Variants in VPS8 observed in about 807,000 individuals in gnomAD.
The protein encoded by VPS8 is VPS8 subunit of CORVET complex, also known as vacuolar protein sorting-associated protein 8 homolog.
A neutral mutation model predicts 216.4 loss-of-function variants in VPS8; 129 were observed. The observed-to-expected ratio is 0.60, with a 90% confidence interval of 0.52 to 0.69. The LOEUF (loss-of-function observed/expected upper bound fraction) is 0.69, where lower values mean the gene tolerates loss of function less well. VPS8 is among the 30% of genes least tolerant of loss of function. VPS8 has a pLI of 0.00. For synonymous variants in VPS8, 571 were observed against 565.4 expected (o/e 1.01, Z -0.14); for missense variants, 1,531 against 1,683.5 (o/e 0.91, Z 1.59).
chr3:184,907,528 C>T (rs1285263255), intron 25 of VPS8, among the ~76,000 whole-genome samples: 1 of 152,064 alleles, frequency 6.6e-6, no homozygotes, highest in Non-Finnish European at 1.5e-5. Flanking sequence ...TTTTGGGGTC[C>T]CAAGATTTAT....
intron 46 of VPS8, among the ~76,000 whole-genome samples, chr3:185,047,653 G>A (rs574796531): frequency 6.5e-4 from 99 of 152,282 alleles, no homozygotes; most frequent in African/African-American, 2.2e-3. Flanking sequence ...GCCCTCGCCT[G>A]GTACTAGGCA....
intron 22 of VPS8, among the ~76,000 whole-genome samples, chr3:184,886,546 T>TACAC (rs34621825): frequency 5.1e-4 from 76 of 150,426 alleles, no homozygotes; most frequent in African/African-American, 1.3e-3. Flanking sequence ...CACATATGTA[T>TACAC]ACACACACAC....
At chr3:184,989,439 T>C (rs1751571571) in intron 42 of VPS8, among the ~76,000 whole-genome samples, 3 of 152,056 alleles carry the variant, frequency 2.0e-5, no homozygotes, top group South Asian at 2.1e-4. Context: ...CTTTTTTTTT[T>C]CCTTTTTTGT....
chr3:185,035,968 T>A (rs1413922922), intron 46 of VPS8, among the ~76,000 whole-genome samples: 1 of 152,174 alleles, frequency 6.6e-6, no homozygotes, highest in Non-Finnish European at 1.5e-5. Flanking sequence ...CCAGCAGTGT[T>A]CAGGCTGAGA....
At chr3:184,965,182 C>T (rs1304946938) in intron 38 of VPS8, among the ~76,000 whole-genome samples, 1 of 151,998 alleles carries the variant, frequency 6.6e-6, no homozygotes, top group African/African-American at 2.4e-5. Flanking sequence ...TGTCGTGTGG[C>T]TAGGAATAGA....
chr3:184,993,609 T>C (rs62289479), intron 42 of VPS8, among the ~76,000 whole-genome samples: 6,411 of 151,986 alleles, frequency 0.042, 182 homozygotes, highest in Non-Finnish European at 0.062. Context: ...ACAGGAGGAG[T>C]TGTTGGACAG....
chr3:184,876,119 A>G (rs1378505363), intron 21 of VPS8, among the ~76,000 whole-genome samples: 1 of 152,154 alleles, frequency 6.6e-6, no homozygotes, highest in African/African-American at 2.4e-5. Flanking sequence ...CAGCACATGA[A>G]GACTTCTTGA....
At chr3:184,913,463 T>G in intron 25 of VPS8, 56 bp from the exon 26 acceptor site, 1 of 1,444,970 alleles carries the variant, frequency 6.9e-7, no homozygotes, top group Middle Eastern at 1.8e-4. Context: ...TAAAGATTAT[T>G]TTTCTGAAAA....
At chr3:184,898,501 A>G in intron 23 of VPS8, 64 bp from the exon 24 acceptor site, 1 of 1,276,230 alleles carries the variant, frequency 7.8e-7, no homozygotes, top group Non-Finnish European at 1.1e-6. Flanking sequence ...TCCCATTCTT[A>G]AAGCATTAAG....
intron 45 of VPS8, among the ~76,000 whole-genome samples, chr3:185,024,005 AAGAAATGCT>A (rs1757016818): frequency 1.3e-5 from 2 of 152,362 alleles, no homozygotes; most frequent in East Asian, 3.9e-4. Flanking sequence ...TGCCTTCTGC[AAGAAATGCT>A]GATCATTGTT....
At chr3:185,024,499 C>G in intron 46 of VPS8, 110 bp downstream of exon 46, 1 of 1,234,012 alleles carries the variant, frequency 8.1e-7, no homozygotes, top group Non-Finnish European at 1.1e-6. Flanking sequence ...TTAATGCTGT[C>G]AAGGGTTATT....
intron 15 of VPS8, among the ~76,000 whole-genome samples, 194 bp downstream of exon 15, chr3:184,860,259 A>T (rs1726030283): frequency 6.6e-6 from 1 of 151,974 alleles, no homozygotes; most frequent in Non-Finnish European, 1.5e-5. Context: ...GCTTAAGCCC[A>T]GGAGTTCGAG....
chr3:184,843,712 C>A (rs1722599839), intron 8 of VPS8, among the ~76,000 whole-genome samples: 1 of 152,146 alleles, frequency 6.6e-6, no homozygotes, highest in Admixed American at 6.6e-5. Context: ...TTATGAACAC[C>A]TTATTTTGTG....
rs927096331 is a variant in VPS8 at position 185,036,650 on chromosome 3, T to C, written c.4057-11829T>C. Among the ~76,000 whole-genome samples the C allele has an allele frequency of 5.9e-5, 9 of 152,184 alleles. No individual in the cohort carries two copies. In the East Asian group the frequency reaches 1.7e-3, roughly 29 times the overall value. ...AGATTTTCATATTCAGCTTTTGATT[T>C]AAAGTAGCTTAATACCATTTATATA... On this transcript the variant is annotated intron_variant, in intron 46 of 47. Transcript: ENST00000625842.
chr3:185,015,669 A>G (rs529225350), intron 45 of VPS8, among the ~76,000 whole-genome samples: 4 of 152,376 alleles, frequency 2.6e-5, no homozygotes, highest in African/African-American at 9.6e-5. Flanking sequence ...GTTTTGTTTT[A>G]GGAAAAGAGT....
rs1728083328 is a variant in VPS8 at position 184,870,155 on chromosome 3, G to T, written c.1645-561G>T. On this transcript the variant is annotated intron_variant, in intron 20 of 47. Transcript: ENST00000625842. ...TAGTGTATGTGCAAATGTTTGTGTT[G>T]CCCAGAACTAGCAGAGAGGATTAAT... 2.0e-5 allele frequency among the ~76,000 whole-genome samples: 3 copies of T among 152,178 alleles called. No homozygotes were observed. In the South Asian group the frequency reaches 6.2e-4, roughly 32 times the overall value.
In VPS8 at chr3:184,982,665, C is replaced by T; in HGVS notation, c.3502+18C>T. 1 of 1,588,852 alleles carries T rather than the reference C, an allele frequency of 6.3e-7. No individual in the cohort carries two copies. The highest frequency in any genetic ancestry group is 8.6e-7 in the Non-Finnish European group (1 of 1,161,072). On this transcript the variant is annotated intron_variant, in intron 41 of 47. Coordinates refer to ENST00000625842, the MANE Select transcript of VPS8 (RefSeq NM_001009921.3). The stretch of plus-strand genomic sequence containing the variant: ...CTCTGAAGGTAAGTTCTTCAGAATT[C>T]AAGTGACTGAGTCCACCTGTATCAT...
chr3:184,977,401 A>G (rs1238295858), intron 40 of VPS8, among the ~76,000 whole-genome samples: 2 of 152,108 alleles, frequency 1.3e-5, no homozygotes, highest in African/African-American at 4.8e-5. Context: ...CTCATTCTCT[A>G]GGTTGTGTGT....
intron 25 of VPS8, among the ~76,000 whole-genome samples, chr3:184,906,322 CTTATT>C (rs745458536): frequency 7.2e-4 from 109 of 152,122 alleles, no homozygotes; most frequent in Non-Finnish European, 2.5e-4. Flanking sequence ...TTTGTTGAGA[CTTATT>C]TTATGACCTC....
Sources: allele counts gnomAD v4.1 joint callset (sites outside exome capture counted in the v4.1 genomes callset), GRCh38; gene constraint gnomAD v4.1.1; transcripts MANE v1.5; gene names NCBI Gene and HGNC (gene_info 2026-07-23, HGNC 2026-07-21).